Variants in SYNJ1 observed in about 807,000 individuals in gnomAD.
SYNJ1 encodes the protein synaptojanin 1.
Under a neutral mutation model 168.2 loss-of-function variants are expected in SYNJ1, and 78 were observed. That is an observed-to-expected ratio of 0.46 (90% confidence interval 0.39 to 0.56). The LOEUF (loss-of-function observed/expected upper bound fraction) is 0.56, where lower values mean the gene tolerates loss of function less well. Ranked by LOEUF, SYNJ1 falls within the 20% of genes least tolerant of loss-of-function variation. The pLI, the probability that SYNJ1 is intolerant of heterozygous loss-of-function variation, is 0.00. For synonymous variants in SYNJ1, 539 were observed against 548.6 expected, an observed-to-expected ratio of 0.98 and a Z score of 0.24; for missense variants, 1,303 against 1,597.6, an observed-to-expected ratio of 0.82 and a Z score of 3.14.
chr21:32,657,580 A>G (rs2040508411), intron 19 of SYNJ1, 136 bp downstream of exon 19: 2 of 738,260 alleles, frequency 2.7e-6, no homozygotes, highest in African/African-American at 3.7e-5. Context: ...AAAATCTGAC[A>G]TATTTAAATT....
chr21:32,684,251 T>C (rs533349031), intron 9 of SYNJ1, 132 bp from the exon 10 acceptor site: 15 of 754,856 alleles, frequency 2.0e-5, no homozygotes, highest in African/African-American at 1.9e-4. Flanking sequence ...TATTCAAATA[T>C]ACAAAAAAAA....
chr21:32,656,620 A>C, intron 21 of SYNJ1, 67 bp downstream of exon 21: 1 of 1,346,766 alleles, frequency 7.4e-7, no homozygotes, highest in South Asian at 1.4e-5. Context: ...TCCCCAAATA[A>C]GGTGATTTCT....
chr21:32,726,619 A>C (rs1305874431), intron 2 of SYNJ1, among the ~76,000 whole-genome samples, 153 bp downstream of exon 2: 1 of 152,198 alleles, frequency 6.6e-6, no homozygotes, highest in African/African-American at 2.4e-5. Flanking sequence ...GTTTGCAGGA[A>C]AATAAGTTTG....
In SYNJ1 at chr21:32,676,369, A is replaced by C. The variant is rs201732762; in HGVS notation, c.1511-14T>G. 3.1e-6 allele frequency: 5 copies of C among 1,606,468 alleles called. No homozygotes were observed. The highest frequency in any genetic ancestry group is 4.3e-6 in the Non-Finnish European group (5 of 1,176,056). ...TCTGCTCAGAAACTATGGATGCAACAAGAAGAAAACAAAGAATCATTAGTA... is the reference window on the plus strand; with the variant it reads ...TCTGCTCAGAAACTATGGATGCAACCAGAAGAAAACAAAGAATCATTAGTA... On this transcript the variant is annotated splice_polypyrimidine_tract_variant and intron_variant, in intron 12 of 32. Coordinates refer to ENST00000674351, the MANE Select transcript of SYNJ1 (RefSeq NM_203446.3).
At chr21:32,686,813 T>C (rs1206892706) in intron 8 of SYNJ1, among the ~76,000 whole-genome samples, 165 bp downstream of exon 8, 1 of 152,358 alleles carries the variant, frequency 6.6e-6, no homozygotes, top group Middle Eastern at 3.4e-3. Context: ...TTAGCCTAAA[T>C]TGTTTCTTAA....
In SYNJ1 at chr21:32,700,071, A is replaced by G. The variant is rs1446557529; in HGVS notation, c.246T>C (p.Thr82=). 1.9e-6 allele frequency: 3 copies of G among 1,614,002 alleles called. No homozygotes were observed. The highest frequency in any genetic ancestry group is 1.7e-6 in the Non-Finnish European group (2 of 1,180,020). ...DTMLHYLVLV[T]GCMSVGKIQE... ...GAATTTTTCCAACAGACATACATCC[A>G]GTGACTAGGACCAGATAATGTAACA... Residue 82 remains threonine, a synonymous_variant, in exon 4 of 33, where the codon ACT becomes ACC. Coordinates refer to ENST00000674351, the MANE Select transcript of SYNJ1 (RefSeq NM_203446.3).
At chr21:32,647,018 C>G (rs902893555) in intron 23 of SYNJ1, among the ~76,000 whole-genome samples, 2 of 152,188 alleles carry the variant, frequency 1.3e-5, no homozygotes, top group Non-Finnish European at 2.9e-5. Context: ...AGGAGCCACA[C>G]AGTCTTCCCC....
intron 32 of SYNJ1, among the ~76,000 whole-genome samples, chr21:32,633,050 C>T (rs1297982713): frequency 4.6e-5 from 7 of 152,058 alleles, no homozygotes; most frequent in African/African-American, 1.4e-4. Flanking sequence ...AGTAATGTGA[C>T]AACTTTCCAT....
At chr21:32,711,522 G>A (rs993945446) in intron 2 of SYNJ1, among the ~76,000 whole-genome samples, 18 of 151,922 alleles carry the variant, frequency 1.2e-4, no homozygotes, top group African/African-American at 4.1e-4. Context: ...TAGTAGAAAC[G>A]GGTTTCACCA....
chr21:32,636,177 A>G (rs2039557500), intron 31 of SYNJ1, among the ~76,000 whole-genome samples: 1 of 152,160 alleles, frequency 6.6e-6, no homozygotes, highest in African/African-American at 2.4e-5. Context: ...TGATTTTTCT[A>G]CCAGGTCTCA....
intron 15 of SYNJ1, among the ~76,000 whole-genome samples, chr21:32,667,441 C>G (rs956020502): frequency 6.6e-5 from 10 of 152,036 alleles, no homozygotes; most frequent in African/African-American, 2.4e-4. Flanking sequence ...ATTAATAATT[C>G]CTTAATATCA....
intron 2 of SYNJ1, among the ~76,000 whole-genome samples, chr21:32,725,224 C>T (rs906722047): frequency 6.6e-6 from 1 of 152,062 alleles, no homozygotes; most frequent in Non-Finnish European, 1.5e-5. Context: ...AGTCAGGTAA[C>T]GTCACCAAAA....
chr21:32,675,603 T>A (rs2041376599), intron 13 of SYNJ1, among the ~76,000 whole-genome samples: 1 of 152,172 alleles, frequency 6.6e-6, no homozygotes, highest in African/African-American at 2.4e-5. Flanking sequence ...AATTCTTAAG[T>A]GATAGCAAAT....
chr21:32,681,699 AAT>A, intron 10 of SYNJ1, 51 bp from the exon 11 acceptor site: 1 of 1,519,826 alleles, frequency 6.6e-7, no homozygotes, highest in South Asian at 1.3e-5. Flanking sequence ...TATTAATTGT[AAT>A]ATGGCTTTTA....
chr21:32,682,047 T>C (rs753334430), intron 10 of SYNJ1, among the ~76,000 whole-genome samples: 10 of 152,126 alleles, frequency 6.6e-5, no homozygotes, highest in Middle Eastern at 6.3e-3. Context: ...GCTTTATAAG[T>C]TTAAGTAATT....
chr21:32,710,870 T>A (rs2042805683), intron 2 of SYNJ1, among the ~76,000 whole-genome samples: 1 of 152,218 alleles, frequency 6.6e-6, no homozygotes, highest in Non-Finnish European at 1.5e-5. Flanking sequence ...AATATTGTTA[T>A]ACCCTGCCAT....
In SYNJ1 at chr21:32,661,879, G is replaced by C. The variant is rs113521248; in HGVS notation, c.2304+3034C>G. ...AGTTACAGTGACAGCTACGGGCTTTGGGAAAAATTACACAAACAATCTCAA... is the reference window on the plus strand; with the variant it reads ...AGTTACAGTGACAGCTACGGGCTTTCGGAAAAATTACACAAACAATCTCAA... On this transcript the variant is annotated intron_variant, in intron 18 of 32. Transcript: ENST00000674351. Among the ~76,000 whole-genome samples the C allele has an allele frequency of 7.2e-5, 11 of 152,180 alleles. 1 individual carries two copies. The highest frequency in any genetic ancestry group is 2.6e-4 in the African/African-American group (11 of 41,518).
Position 32,630,807 on chromosome 21 carries a change from CAAT to C in SYNJ1, c.*995_*997del. On this transcript the variant is annotated 3_prime_UTR_variant, in exon 33 of 33. Transcript: ENST00000674351. ...AGAAATACATCAAAACTCCAGTTAA[CAAT>C]GAGAAGGGTTTTTCCTTATTTCCAA... 1.8e-6 allele frequency: 1 copy of C among 554,834 alleles called. No individual in the cohort carries two copies. Among genetic ancestry groups the C allele is most frequent in the Non-Finnish European group, 3.0e-6 (1 of 329,124 alleles). 34.4% of individuals were successfully genotyped at this position (554,834 alleles called of 1,614,324 possible).
At chr21:32,637,794 T>C (rs1412174782) in intron 31 of SYNJ1, among the ~76,000 whole-genome samples, 1 of 152,238 alleles carries the variant, frequency 6.6e-6, no homozygotes, top group Admixed American at 6.5e-5. Flanking sequence ...TTTATTTTTC[T>C]GTATTATATA....
Sources: allele counts gnomAD v4.1 joint callset (sites outside exome capture counted in the v4.1 genomes callset), GRCh38; gene constraint gnomAD v4.1.1; transcripts MANE v1.5; gene names NCBI Gene and HGNC (gene_info 2026-07-23, HGNC 2026-07-21).